RPTOR: variants seen among roughly 807,000 people sequenced by gnomAD.
The protein encoded by RPTOR is regulatory associated protein of MTOR complex 1.
Under a neutral mutation model 169.9 loss-of-function variants are expected in RPTOR, and 21 were observed. The observed-to-expected ratio is 0.12, with a 90% CI of 0.09 to 0.18. The LOEUF (loss-of-function observed/expected upper bound fraction) is 0.18. Among genes scored for constraint, RPTOR ranks in the 10% least tolerant of loss-of-function variants. RPTOR has a pLI of 1.00. For missense variants in RPTOR, 1,133 were observed against 1,855.9 expected, an observed-to-expected ratio of 0.61 and a Z score of 7.16; for synonymous variants, 732 against 753.2, an observed-to-expected ratio of 0.97 and a Z score of 0.46.
intron 17 of RPTOR, among the ~76,000 whole-genome samples, chr17:80,888,302 A>G (rs1017032968): frequency 2.6e-5 from 4 of 151,954 alleles, no homozygotes; most frequent in African/African-American, 2.4e-5. Flanking sequence ...TTTTGTAGAG[A>G]TGGGGTCTCG....
intron 6 of RPTOR, among the ~76,000 whole-genome samples, chr17:80,784,855 C>T (rs567398228): frequency 4.6e-5 from 7 of 152,072 alleles, no homozygotes; most frequent in African/African-American, 9.7e-5. Flanking sequence ...TCCGCCACCA[C>T]GCCTGGCTAA....
chr17:80,706,299 G>A (rs1388640454), intron 3 of RPTOR, among the ~76,000 whole-genome samples: 1 of 152,090 alleles, frequency 6.6e-6, no homozygotes, highest in Non-Finnish European at 1.5e-5. Flanking sequence ...GATTTACTCT[G>A]TCGGTTCTTC....
At chr17:80,683,278 T>C (rs904463993) in intron 3 of RPTOR, among the ~76,000 whole-genome samples, 1 of 152,138 alleles carries the variant, frequency 6.6e-6, no homozygotes, top group Non-Finnish European at 1.5e-5. Flanking sequence ...TAATCCTCAG[T>C]TTGCGTTTTC....
At chr17:80,887,339 G>T (rs2068260633) in intron 17 of RPTOR, among the ~76,000 whole-genome samples, 2 of 119,156 alleles carry the variant, frequency 1.7e-5, no homozygotes, top group African/African-American at 6.4e-5. Flanking sequence ...TCTGGGGGGT[G>T]CCAGCTCGGG....
At chr17:80,755,734 G>T (rs2066673546) in intron 6 of RPTOR, among the ~76,000 whole-genome samples, 2 of 119,124 alleles carry the variant, frequency 1.7e-5, no homozygotes, top group South Asian at 5.8e-4. Flanking sequence ...GCAAGACCCT[G>T]TCTCAAAAAA....
chr17:80,735,722 C>T (rs1025654351), intron 5 of RPTOR, among the ~76,000 whole-genome samples: 11 of 152,090 alleles, frequency 7.2e-5, no homozygotes, highest in Admixed American at 3.9e-4. Flanking sequence ...TGGGACAGCA[C>T]GGGCTCCACT....
Position 80,634,860 on chromosome 17 carries a change from GTGTGTGTGCATAC to G in RPTOR, c.266-8861_266-8849del, listed in dbSNP as rs1405284181. 4.9e-3 allele frequency among the ~76,000 whole-genome samples: 235 copies of G among 47,880 alleles called. 1 individual carries two copies. Among genetic ancestry groups the G allele is most frequent in the Non-Finnish European group, 7.2e-3 (148 of 20,438 alleles). 31.4% of individuals were successfully genotyped at this position (47,880 alleles called of 152,430 possible). A position where few individuals can be genotyped will look rare whatever the true frequency, so the allele number is the denominator to read the frequency against. ...TGCATACCGTGTGTGTGCATACCGT[GTGTGTGTGCATAC>G]TGTGTGCATACTTTGTGTGTGCATA... is the stretch of plus-strand genomic sequence containing the variant. On this transcript the variant is annotated intron_variant, in intron 2 of 33. Coordinates refer to ENST00000306801, the MANE Select transcript of RPTOR (RefSeq NM_020761.3).
chr17:80,601,051 G>A (rs534980723), intron 1 of RPTOR, among the ~76,000 whole-genome samples: 1 of 152,274 alleles, frequency 6.6e-6, no homozygotes, highest in East Asian at 1.9e-4. Flanking sequence ...CTGGTGTGCT[G>A]AGGACGACAT....
At chr17:80,657,035 G>C (rs1033440884) in intron 3 of RPTOR, among the ~76,000 whole-genome samples, 1 of 152,190 alleles carries the variant, frequency 6.6e-6, no homozygotes, top group Admixed American at 6.5e-5. Flanking sequence ...TCAGCGTTTC[G>C]TCATTTGAAG....
At chr17:80,596,001 ATTACCAT>A (rs1286908207) in intron 1 of RPTOR, among the ~76,000 whole-genome samples, 1 of 152,098 alleles carries the variant, frequency 6.6e-6, no homozygotes, top group Non-Finnish European at 1.5e-5. Context: ...TTTTTGTTTT[ATTACCAT>A]TTAAAACTAA....
intron 1 of RPTOR, among the ~76,000 whole-genome samples, chr17:80,566,162 A>G (rs1298185729): frequency 1.3e-5 from 2 of 152,198 alleles, no homozygotes; most frequent in African/African-American, 4.8e-5. Context: ...AAGTGGGTCT[A>G]AGACTCCTCC....
intron 9 of RPTOR, among the ~76,000 whole-genome samples, chr17:80,828,535 G>A (rs1209579292): frequency 6.6e-6 from 1 of 152,194 alleles, no homozygotes. Flanking sequence ...TCACTGACCT[G>A]AGGCCCCTAA....
intron 25 of RPTOR, 58 bp downstream of exon 25, chr17:80,940,659 G>A: frequency 6.9e-7 from 1 of 1,443,648 alleles, no homozygotes; most frequent in Non-Finnish European, 9.5e-7. Context: ...CCTGGGGCGA[G>A]GGTCCCCTGT....
chr17:80,723,802 T>C (rs1221866333), intron 4 of RPTOR, among the ~76,000 whole-genome samples: 1 of 151,428 alleles, frequency 6.6e-6, no homozygotes, highest in Non-Finnish European at 1.5e-5. Flanking sequence ...TTTTAATGAC[T>C]AAACAGGAGG....
chr17:80,730,529 A>G lies in RPTOR; in HGVS notation c.508-31A>G. 2 of 1,606,786 alleles carry G rather than the reference A, an allele frequency of 1.2e-6. No homozygotes were observed. Among genetic ancestry groups the G allele is most frequent in the Non-Finnish European group, 1.7e-6 (2 of 1,173,720 alleles). On this transcript the variant is annotated intron_variant, in intron 4 of 33. Transcript: ENST00000306801. The surrounding 1 kb of genome is among the most constrained non-coding windows in gnomAD (Gnocchi z 4.2). ...AGCAGCCCATATTCCTGAGACGCACATGTAACGAGCGCACTTTGTGTGTTT... is the reference window on the plus strand; with the variant it reads ...AGCAGCCCATATTCCTGAGACGCACGTGTAACGAGCGCACTTTGTGTGTTT...
At chr17:80,760,200 C>T (rs555761616) in intron 6 of RPTOR, among the ~76,000 whole-genome samples, 28 of 151,928 alleles carry the variant, frequency 1.8e-4, no homozygotes, top group African/African-American at 6.5e-4. Flanking sequence ...TTAGGCTTTT[C>T]GGGCCACACA....
At chr17:80,921,423 C>G (rs960967449) in intron 21 of RPTOR, among the ~76,000 whole-genome samples, 2 of 152,230 alleles carry the variant, frequency 1.3e-5, no homozygotes, top group African/African-American at 4.8e-5. Flanking sequence ...CGCATTCCCC[C>G]CACTGAGCAG....
At chr17:80,950,270 CT>C (rs2069157723) in intron 28 of RPTOR, among the ~76,000 whole-genome samples, 1 of 152,202 alleles carries the variant, frequency 6.6e-6, no homozygotes, top group Non-Finnish European at 1.5e-5. Context: ...GCCAGCCCCC[CT>C]CTGCCGGCTC....
chr17:80,893,773 G>T lies in RPTOR; in HGVS notation c.2309G>T (p.Gly770Val), dbSNP rs1413357077. The T allele has an allele frequency of 6.2e-7, 1 of 1,600,946 alleles. No homozygotes were observed. Residue 770 changes from glycine (G) to valine (V), a missense_variant, in exon 20 of 34, where the codon GGC becomes GTC. By Grantham distance (109) the Gly-to-Val change is moderately radical. This residue lies in a region of RPTOR where 150 missense variants were observed against 206.4 expected (regional missense o/e 0.73). Coordinates refer to ENST00000306801, the MANE Select transcript of RPTOR (RefSeq NM_020761.3). The stretch of plus-strand genomic sequence containing the variant: ...AGCAGCAGCGCCAGCAGCACCCTGG[G>T]CAGCCCCGAGAATGAGGAGCATATC... The part of the protein sequence containing the change: ...STSSSASSTL[G>V]SPENEEHILS...
Sources: gnomAD v4.1 joint callset for allele counts (sites outside exome capture counted in the v4.1 genomes callset) on GRCh38, gnomAD v4.1.1 for gene constraint, gnomAD v4.1.1 regional missense constraint, Gnocchi (gnomAD v3.1) non-coding constraint, MANE v1.5 for transcripts, NCBI Gene and HGNC (gene_info 2026-07-23, HGNC 2026-07-21) for gene names.